BMPR2: variants seen among roughly 807,000 people sequenced by gnomAD.
The protein encoded by BMPR2 is bone morphogenetic protein receptor type-2.
Under a neutral mutation model 100.8 loss-of-function variants are expected in BMPR2, and 29 were observed. The ratio of observed to expected loss-of-function variants is 0.29; its 90% CI spans 0.21 to 0.39. The LOEUF is 0.39. Ranked by LOEUF, BMPR2 falls within the 10% of genes least tolerant of loss-of-function variation. The probability of loss-of-function intolerance (pLI) is 1.00; values close to 1 mark genes in which losing one functional copy is unlikely to be tolerated. For synonymous variants in BMPR2, 382 were observed against 442.3 expected (o/e 0.86, Z 1.71); for missense variants, 1,011 against 1,274.5 (o/e 0.79, Z 3.15).
intron 3 of BMPR2, among the ~76,000 whole-genome samples, chr2:202,502,578 C>T (rs1687417329): frequency 6.6e-6 from 1 of 152,212 alleles, no homozygotes; most frequent in South Asian, 2.1e-4. Flanking sequence ...TTATGTGGAT[C>T]TTCAACCCGT....
At chr2:202,385,314 T>C (rs1690403330) in intron 1 of BMPR2, among the ~76,000 whole-genome samples, 1 of 148,216 alleles carries the variant, frequency 6.7e-6, no homozygotes, top group African/African-American at 2.5e-5. Context: ...CACACAACCC[T>C]AACACTTTTT....
intron 3 of BMPR2, among the ~76,000 whole-genome samples, chr2:202,512,372 C>T (rs1687641443): frequency 6.6e-6 from 1 of 152,224 alleles, no homozygotes; most frequent in Non-Finnish European, 1.5e-5. Context: ...AAACAATGAA[C>T]AGCTCTTTCA....
At chr2:202,385,605 C>T (rs1447410253) in intron 1 of BMPR2, among the ~76,000 whole-genome samples, 1 of 148,284 alleles carries the variant, frequency 6.7e-6, no homozygotes, top group Admixed American at 6.8e-5. Context: ...ACCTCGTGAT[C>T]TGCCCGCCTC....
At chr2:202,398,108 CAA>C (rs56075719) in intron 1 of BMPR2, among the ~76,000 whole-genome samples, 80 of 120,248 alleles carry the variant, frequency 6.7e-4, no homozygotes, top group Middle Eastern at 4.7e-3. Context: ...GACCCTGTCT[CAA>C]AAAAAAAAAA....
Position 202,545,868 on chromosome 2 carries a change from C to T in BMPR2, c.1413+3421C>T, listed in dbSNP as rs985579357. Reference sequence around the variant, plus strand: ...GAGGTCCCTGATAGCAAGTGAGAGGCTGAATACTTTACTAGGATTAATTAG... The same window carrying T: ...GAGGTCCCTGATAGCAAGTGAGAGGTTGAATACTTTACTAGGATTAATTAG... On this transcript the variant is annotated intron_variant, in intron 10 of 12. Transcript: ENST00000374580. Among the ~76,000 whole-genome samples, 9 of 152,270 alleles carry T rather than the reference C, an allele frequency of 5.9e-5. No homozygotes were observed. The East Asian group carries it at 1.7e-3, about 29-fold the overall frequency.
At chr2:202,473,673 C>G (rs1692480261) in intron 3 of BMPR2, among the ~76,000 whole-genome samples, 2 of 151,980 alleles carry the variant, frequency 1.3e-5, no homozygotes, top group African/African-American at 4.8e-5. Flanking sequence ...CGCCTGTAAT[C>G]CCACCTATTC....
intron 10 of BMPR2, among the ~76,000 whole-genome samples, chr2:202,551,404 A>G (rs1688475946): frequency 6.6e-6 from 1 of 151,098 alleles, no homozygotes; most frequent in Non-Finnish European, 1.5e-5. Flanking sequence ...GGCGCCTATA[A>G]TCTCAGCTAC....
rs927070338 is a variant in BMPR2, at chr2:202,563,353, C to T, written c.*3407C>T. The T allele has an allele frequency of 1.3e-5, 2 of 152,192 alleles. No homozygotes were observed. The highest frequency in any genetic ancestry group is 2.9e-5 in the Non-Finnish European group (2 of 68,100). The allele number at this position is 152,192 out of a possible 1,614,324, so 9.4% of individuals were successfully genotyped here. On this transcript the variant is annotated 3_prime_UTR_variant, in exon 13 of 13. Transcript: ENST00000374580. ...TCAGGAGGCTAAGGCAGGAGAATCT[C>T]TTGAACCCGAGAGGTGGAGGTTGCA...
chr2:202,517,398 G>A (rs1687732199), intron 5 of BMPR2, among the ~76,000 whole-genome samples: 3 of 147,074 alleles, frequency 2.0e-5, no homozygotes, highest in African/African-American at 2.5e-5. Flanking sequence ...TGGGGTCACC[G>A]CAACCTCTGC....
chr2:202,516,465 G>A (rs1307907350), intron 5 of BMPR2, among the ~76,000 whole-genome samples: 1 of 152,140 alleles, frequency 6.6e-6, no homozygotes, highest in Non-Finnish European at 1.5e-5. Context: ...CTTGAGCCCA[G>A]GAGTTCAAGA....
chr2:202,386,280 C>T (rs1000403649), intron 1 of BMPR2, among the ~76,000 whole-genome samples: 6 of 152,132 alleles, frequency 3.9e-5, no homozygotes, highest in South Asian at 2.1e-4. Context: ...GTGTATCTGT[C>T]GTATCTACTT....
At chr2:202,427,809 C>T (rs1043061736) in intron 1 of BMPR2, among the ~76,000 whole-genome samples, 4 of 152,102 alleles carry the variant, frequency 2.6e-5, no homozygotes, top group African/African-American at 9.6e-5. Context: ...CAAACCCCAT[C>T]TCTACAAAAA....
At chr2:202,517,881 C>A (rs550924695) in intron 5 of BMPR2, among the ~76,000 whole-genome samples, 1 of 149,034 alleles carries the variant, frequency 6.7e-6, no homozygotes. Context: ...GGCGCGACCT[C>A]GGCTCACTGC....
In BMPR2 at chr2:202,543,938, G is replaced by A. The variant is rs1006651661; in HGVS notation, c.1413+1491G>A. ...TATCATCCATCACTTGAGCCCAAGG[G>A]TTTGAGGCTGCAGTGAGCTATGATC... On this transcript the variant is annotated intron_variant, in intron 10 of 12. Transcript: ENST00000374580. 2.0e-5 allele frequency among the ~76,000 whole-genome samples: 3 copies of A among 152,060 alleles called. No homozygotes were observed. In the East Asian group the frequency reaches 5.8e-4, roughly 29 times the overall value.
At chr2:202,386,605 G>A (rs1475425330) in intron 1 of BMPR2, among the ~76,000 whole-genome samples, 1 of 151,810 alleles carries the variant, frequency 6.6e-6, no homozygotes, top group Non-Finnish European at 1.5e-5. Context: ...TTTTTTACTA[G>A]ACTCTGTTTC....
chr2:202,480,933 C>T lies in BMPR2; in HGVS notation c.418+13244C>T, dbSNP rs1463038329. ...TCGTGCCACTGCACTCCAGCCTGGGCGACAGACCGAGACTCCGTCTAAAAA... is the reference window on the plus strand; with the variant it reads ...TCGTGCCACTGCACTCCAGCCTGGGTGACAGACCGAGACTCCGTCTAAAAA... On this transcript the variant is annotated intron_variant, in intron 3 of 12. Coordinates refer to ENST00000374580, the MANE Select transcript of BMPR2 (RefSeq NM_001204.7). Among the ~76,000 whole-genome samples, 9 of 118,006 alleles carry T rather than the reference C, an allele frequency of 7.6e-5. No homozygotes were observed. In the East Asian group the frequency reaches 7.7e-4, roughly 10 times the overall value. The allele number at this position is 118,006 out of a possible 152,430, so 77.4% of individuals were successfully genotyped here.
chr2:202,529,265 A>G lies in BMPR2; in HGVS notation c.968-1529A>G, dbSNP rs1484002720. Reference sequence around the variant, plus strand: ...GGTTTTAAAAATACATATAACTAATATCTTGTTGTGCTTTCCTTTGAGATA... The same window carrying G: ...GGTTTTAAAAATACATATAACTAATGTCTTGTTGTGCTTTCCTTTGAGATA... On this transcript the variant is annotated intron_variant, in intron 7 of 12. Transcript: ENST00000374580. Among the ~76,000 whole-genome samples the G allele has an allele frequency of 2.6e-5, 4 of 152,226 alleles. 1 individual carries two copies. Among genetic ancestry groups the G allele is most frequent in the African/African-American group, 9.6e-5 (4 of 41,456 alleles).
chr2:202,492,474 C>A (rs892826025), intron 3 of BMPR2, among the ~76,000 whole-genome samples: 1 of 151,886 alleles, frequency 6.6e-6, no homozygotes, highest in Non-Finnish European at 1.5e-5. Flanking sequence ...CCTACGCAGG[C>A]AGATCACTTG....
At chr2:202,458,283 CAAAAAAAA>C (rs71035009) in intron 1 of BMPR2, among the ~76,000 whole-genome samples, 1 of 52,302 alleles carries the variant, frequency 1.9e-5, no homozygotes, top group African/African-American at 7.5e-5. Flanking sequence ...CTTGTCTCTG[CAAAAAAAA>C]AAAAAAAAAA....
Sources: allele counts gnomAD v4.1 joint callset (sites outside exome capture counted in the v4.1 genomes callset), GRCh38; gene constraint gnomAD v4.1.1; transcripts MANE v1.5; gene names NCBI Gene and HGNC (gene_info 2026-07-23, HGNC 2026-07-21).